FARS2: variants seen among roughly 807,000 people sequenced by gnomAD.
FARS2 encodes phenylalanyl-tRNA synthetase 2, mitochondrial, also known as phenylalanine--tRNA ligase, mitochondrial.
FARS2 carries 40 observed loss-of-function variants against 46.4 expected under a neutral mutation model. The observed-to-expected ratio is 0.86, with a 90% CI of 0.67 to 1.12. FARS2 has a LOEUF of 1.12. Ranked by LOEUF, FARS2 falls within the 50% of genes most tolerant of loss-of-function variation. FARS2 has a pLI of 0.00. For synonymous variants in FARS2, 234 were observed against 214.9 expected, an observed-to-expected ratio of 1.09 and a Z score of -0.78; for missense variants, 513 against 567.9, an observed-to-expected ratio of 0.90 and a Z score of 0.98.
At chr6:5,692,621 A>T (rs1757824579) in intron 6 of FARS2, among the ~76,000 whole-genome samples, 1 of 152,246 alleles carries the variant, frequency 6.6e-6, no homozygotes, top group South Asian at 2.1e-4. Flanking sequence ...TATACTGCTT[A>T]ATGGTTAAAA....
At chr6:5,363,520 G>A (rs1026113470) in intron 1 of FARS2, among the ~76,000 whole-genome samples, 1 of 151,822 alleles carries the variant, frequency 6.6e-6, no homozygotes, top group African/African-American at 2.4e-5. Context: ...TAGATTATGG[G>A]CATACGATGA....
At chr6:5,762,095 C>T (rs1361948928) in intron 6 of FARS2, among the ~76,000 whole-genome samples, 1 of 152,196 alleles carries the variant, frequency 6.6e-6, no homozygotes, top group Non-Finnish European at 1.5e-5. Flanking sequence ...TCCATCTGTA[C>T]AGACGAGGAA....
intron 1 of FARS2, among the ~76,000 whole-genome samples, chr6:5,274,618 G>A (rs546192485): frequency 2.6e-5 from 4 of 152,278 alleles, no homozygotes; most frequent in African/African-American, 9.6e-5. Context: ...ATGAACCCTG[G>A]AACTGGATGC....
At chr6:5,541,998 C>T (rs1332830699) in intron 4 of FARS2, among the ~76,000 whole-genome samples, 4 of 152,140 alleles carry the variant, frequency 2.6e-5, no homozygotes, top group Non-Finnish European at 5.9e-5. Flanking sequence ...GTGGGAATGT[C>T]TTTTAGCATG....
chr6:5,640,930 C>G (rs1776785547), intron 6 of FARS2, among the ~76,000 whole-genome samples: 2 of 152,168 alleles, frequency 1.3e-5, no homozygotes, highest in Non-Finnish European at 1.5e-5. Context: ...AAGCTCTTAT[C>G]TTGGCCCTAA....
rs1390280335 is a variant in FARS2 at position 5,534,863 on chromosome 6, A to ACACACACACTTGCACGCG, written c.905-10308_905-10307insTTGCACGCGCACACACAC. 3.1e-3 allele frequency among the ~76,000 whole-genome samples: 465 copies of ACACACACACTTGCACGCG among 152,102 alleles called. 2 individuals are homozygous for ACACACACACTTGCACGCG. Among genetic ancestry groups the ACACACACACTTGCACGCG allele is most frequent in the African/African-American group, 0.01 (434 of 41,474 alleles). ...CACGCATACACACTTGCACGCGCAC[A>ACACACACACTTGCACGCG]CACACACACACAGAGACTGAGAGAG... On this transcript the variant is annotated intron_variant, in intron 4 of 6. Transcript: ENST00000274680.
chr6:5,635,669 C>T (rs547578229), intron 6 of FARS2, among the ~76,000 whole-genome samples: 3 of 152,248 alleles, frequency 2.0e-5, no homozygotes, highest in African/African-American at 7.2e-5. Context: ...ACGCACCCAG[C>T]CCCTCTGTGT....
At chr6:5,740,101 G>A (rs1374561565) in intron 6 of FARS2, among the ~76,000 whole-genome samples, 1 of 152,168 alleles carries the variant, frequency 6.6e-6, no homozygotes, top group Non-Finnish European at 1.5e-5. Flanking sequence ...AAAGTGAAGA[G>A]CAGGTCAAAC....
At chr6:5,680,445 T>C (rs564688558) in intron 6 of FARS2, among the ~76,000 whole-genome samples, 2 of 152,252 alleles carry the variant, frequency 1.3e-5, no homozygotes, top group East Asian at 3.9e-4. Context: ...ACAACACAGG[T>C]GAACATAGGG....
intron 3 of FARS2, among the ~76,000 whole-genome samples, chr6:5,405,480 C>CTGTTTTTTTTTT (rs1761518496): frequency 1.7e-5 from 1 of 58,946 alleles, no homozygotes; most frequent in Non-Finnish European, 3.1e-5. Context: ...GAGCAAGGTT[C>CTGTTTTTTTTTT]TTTTTTTTTT....
rs141336999 is a variant in FARS2 at position 5,680,565 on chromosome 6, G to A, written c.1217+67245G>A. On this transcript the variant is annotated intron_variant, in intron 6 of 6. Coordinates refer to ENST00000274680, the MANE Select transcript of FARS2 (RefSeq NM_006567.5). Reference sequence around the variant, plus strand: ...TCCTGCCATCAGCACCACATGAGGCGTATATGGAAGATGGTTTATTGTTAC... The same window carrying A: ...TCCTGCCATCAGCACCACATGAGGCATATATGGAAGATGGTTTATTGTTAC... Among the ~76,000 whole-genome samples the A allele has an allele frequency of 7.5e-3, 1,144 of 152,302 alleles. 14 individuals carry two copies. The highest frequency in any genetic ancestry group is 0.026 in the African/African-American group (1,095 of 41,560).
intron 1 of FARS2, among the ~76,000 whole-genome samples, chr6:5,328,594 A>G (rs1050657794): frequency 6.6e-6 from 1 of 151,898 alleles, no homozygotes; most frequent in African/African-American, 2.4e-5. Context: ...TGTCTCCGAC[A>G]TCCACTAAGG....
At chr6:5,579,928 TTTG>T (rs1003627778) in intron 5 of FARS2, among the ~76,000 whole-genome samples, 1 of 152,156 alleles carries the variant, frequency 6.6e-6, no homozygotes, top group Non-Finnish European at 1.5e-5. Context: ...TTTGTTTGTT[TTTG>T]TTGTTGTTGT....
chr6:5,465,878 AT>A (rs903130512), intron 4 of FARS2, among the ~76,000 whole-genome samples: 1 of 151,882 alleles, frequency 6.6e-6, no homozygotes, highest in Non-Finnish European at 1.5e-5. Context: ...GAAAAAAAGA[AT>A]TTTTTTTCAA....
At position 5,729,595 on chromosome 6, in the gene FARS2, TTTTGCAATGC is replaced by T. The variant is rs528705038; in HGVS notation, c.1218-41691_1218-41682del. ...TTTCTCTTGGAAAATGTTTAGGGTC[TTTTGCAATGC>T]TTTGTCCTCCTCGGTACTCAGAGGA... On this transcript the variant is annotated intron_variant, in intron 6 of 6. Coordinates refer to ENST00000274680, the MANE Select transcript of FARS2 (RefSeq NM_006567.5). Among the ~76,000 whole-genome samples, 446 of 152,236 alleles carry T rather than the reference TTTTGCAATGC, an allele frequency of 2.9e-3. 1 individual carries two copies. Among genetic ancestry groups the T allele is most frequent in the African/African-American group, 9.9e-3 (412 of 41,588 alleles).
intron 6 of FARS2, among the ~76,000 whole-genome samples, chr6:5,738,269 T>A (rs1582858370): frequency 6.6e-6 from 1 of 152,350 alleles, no homozygotes; most frequent in Non-Finnish European, 1.5e-5. Context: ...ATTTTTTAAA[T>A]GTGTCCTTTT....
chr6:5,498,415 A>G (rs1767598279), intron 4 of FARS2, among the ~76,000 whole-genome samples: 1 of 152,138 alleles, frequency 6.6e-6, no homozygotes, highest in Non-Finnish European at 1.5e-5. Context: ...AGATCGGCCA[A>G]GTTAACCATC....
intron 4 of FARS2, among the ~76,000 whole-genome samples, chr6:5,544,459 G>A (rs918946312): frequency 3.3e-5 from 5 of 152,178 alleles, no homozygotes; most frequent in Non-Finnish European, 5.9e-5. Context: ...TTCCTGCAGT[G>A]TGAACTGCTC....
At chr6:5,540,717 T>G (rs1770576050) in intron 4 of FARS2, among the ~76,000 whole-genome samples, 1 of 152,040 alleles carries the variant, frequency 6.6e-6, no homozygotes, top group African/African-American at 2.4e-5. Flanking sequence ...GAGAGAAACT[T>G]GTAAATGTGA....
Sources: gnomAD v4.1 joint callset for allele counts (sites outside exome capture counted in the v4.1 genomes callset) on GRCh38, gnomAD v4.1.1 for gene constraint, MANE v1.5 for transcripts, NCBI Gene and HGNC (gene_info 2026-07-23, HGNC 2026-07-21) for gene names.